SEMA5A: variants seen among roughly 807,000 people sequenced by gnomAD.
The protein encoded by SEMA5A is semaphorin-5A.
In SEMA5A, 55 loss-of-function variants were observed where a neutral mutation model predicts 135.5. That is an observed-to-expected ratio of 0.41 (90% CI 0.33 to 0.51). The LOEUF (loss-of-function observed/expected upper bound fraction) is 0.51. SEMA5A is among the 20% of genes least tolerant of loss of function. The pLI is 0.37. For missense variants in SEMA5A, 1,290 were observed against 1,419.9 expected, an observed-to-expected ratio of 0.91 and a Z score of 1.47; for synonymous variants, 580 against 546.5, an observed-to-expected ratio of 1.06 and a Z score of -0.85.
intron 16 of SEMA5A, among the ~76,000 whole-genome samples, chr5:9,073,143 T>A (rs1246121272): frequency 6.6e-6 from 1 of 152,098 alleles, no homozygotes; most frequent in Non-Finnish European, 1.5e-5. Context: ...GAAAGAAAAC[T>A]ACATGAATGT....
At chr5:9,119,256 C>T (rs1740685855) in intron 14 of SEMA5A, 115 bp from the exon 15 acceptor site, 10 of 1,300,482 alleles carry the variant, frequency 7.7e-6, no homozygotes, top group Non-Finnish European at 1.1e-5. Context: ...TGGGGCTGCT[C>T]AGGAGAGAAA....
chr5:9,057,429 CTGT>C (rs1377430560), intron 18 of SEMA5A, among the ~76,000 whole-genome samples: 2 of 152,188 alleles, frequency 1.3e-5, no homozygotes, highest in Non-Finnish European at 2.9e-5. Flanking sequence ...ATATTTATTC[CTGT>C]CCACATTTCT....
intron 5 of SEMA5A, among the ~76,000 whole-genome samples, chr5:9,282,878 T>C (rs950547737): frequency 6.6e-6 from 1 of 152,176 alleles, no homozygotes; most frequent in Non-Finnish European, 1.5e-5. Flanking sequence ...TTTAGATTGC[T>C]GGCAGAATGA....
chr5:9,473,378 A>C (rs1250449005), intron 1 of SEMA5A, among the ~76,000 whole-genome samples: 1 of 101,158 alleles, frequency 9.9e-6, no homozygotes. Context: ...TATGGCAATC[A>C]GTGGTAAAAA....
chr5:9,468,497 TAAAG>T (rs1759347565), intron 1 of SEMA5A, among the ~76,000 whole-genome samples: 1 of 152,168 alleles, frequency 6.6e-6, no homozygotes, highest in Admixed American at 6.5e-5. Flanking sequence ...TGTTTCTAAA[TAAAG>T]AAATTTTAGA....
At chr5:9,272,562 A>G (rs552777629) in intron 5 of SEMA5A, among the ~76,000 whole-genome samples, 11 of 152,240 alleles carry the variant, frequency 7.2e-5, no homozygotes, top group Middle Eastern at 3.4e-3. Flanking sequence ...GTGTATCGTG[A>G]ATGTGAGACA....
intron 2 of SEMA5A, among the ~76,000 whole-genome samples, chr5:9,386,426 A>G (rs746570328): frequency 5.9e-5 from 9 of 152,128 alleles, no homozygotes; most frequent in Admixed American, 2.0e-4. Flanking sequence ...CTCCTTCTTA[A>G]TCTGTCTCCA....
chr5:9,441,580 A>G (rs1033445972), intron 1 of SEMA5A, among the ~76,000 whole-genome samples: 8 of 152,254 alleles, frequency 5.3e-5, no homozygotes, highest in African/African-American at 1.9e-4. Flanking sequence ...CAATTCCACA[A>G]AGGTAAAAAT....
intron 2 of SEMA5A, among the ~76,000 whole-genome samples, chr5:9,400,496 T>G (rs1756606155): frequency 8.0e-6 from 1 of 124,376 alleles, no homozygotes; most frequent in Admixed American, 9.1e-5. Context: ...TTGAACACAA[T>G]GTACATTTTT....
At chr5:9,250,759 T>TA (rs1216944327) in intron 5 of SEMA5A, among the ~76,000 whole-genome samples, 2 of 152,102 alleles carry the variant, frequency 1.3e-5, no homozygotes, top group Non-Finnish European at 2.9e-5. Context: ...AAATAAGATA[T>TA]AAAAAATTAC....
chr5:9,084,123 G>A (rs773191131), intron 16 of SEMA5A, among the ~76,000 whole-genome samples: 2 of 152,164 alleles, frequency 1.3e-5, no homozygotes, highest in Non-Finnish European at 2.9e-5. Flanking sequence ...GTCAAAAATA[G>A]TAAGTTATCA....
chr5:9,386,708 G>A (rs1360041324), intron 2 of SEMA5A, among the ~76,000 whole-genome samples: 1 of 152,216 alleles, frequency 6.6e-6, no homozygotes. Context: ...GGTTGCCTTG[G>A]AGAGACCCAG....
intron 3 of SEMA5A, among the ~76,000 whole-genome samples, chr5:9,371,882 A>G (rs771571116): frequency 2.0e-5 from 3 of 152,222 alleles, no homozygotes; most frequent in Non-Finnish European, 4.4e-5. Context: ...GTTGAGTTCA[A>G]GACAGTTTTC....
intron 13 of SEMA5A, among the ~76,000 whole-genome samples, chr5:9,135,306 A>G (rs1052695935): frequency 1.7e-4 from 25 of 149,632 alleles, no homozygotes; most frequent in African/African-American, 5.9e-4. Context: ...TCAGCCTCCC[A>G]AGTAGCTGGG....
At chr5:9,186,400 A>T (rs1250841531) in intron 11 of SEMA5A, among the ~76,000 whole-genome samples, 1 of 152,220 alleles carries the variant, frequency 6.6e-6, no homozygotes, top group Non-Finnish European at 1.5e-5. Context: ...CTTTTCAAAC[A>T]GCCATTGGCT....
intron 15 of SEMA5A, among the ~76,000 whole-genome samples, chr5:9,115,192 T>C (rs1740448373): frequency 6.6e-6 from 1 of 152,048 alleles, no homozygotes; most frequent in South Asian, 2.1e-4. Flanking sequence ...ACAGAGAAAA[T>C]ACACATGAAA....
At chr5:9,335,684 C>T (rs368015722) in intron 4 of SEMA5A, among the ~76,000 whole-genome samples, 2 of 152,174 alleles carry the variant, frequency 1.3e-5, no homozygotes, top group East Asian at 1.9e-4. Context: ...TCAGGGTGAG[C>T]TTTGGTGTAT....
intron 5 of SEMA5A, among the ~76,000 whole-genome samples, chr5:9,251,957 GC>G (rs1040063290): frequency 6.6e-5 from 10 of 152,166 alleles, no homozygotes; most frequent in African/African-American, 1.9e-4. Context: ...AGATTACTGA[GC>G]TTTTAAATGG....
chr5:9,446,829 TTAAC>T (rs1459500235), intron 1 of SEMA5A, among the ~76,000 whole-genome samples: 1 of 152,202 alleles, frequency 6.6e-6, no homozygotes, highest in Non-Finnish European at 1.5e-5. Context: ...CTCTTGTTAC[TTAAC>T]TATCTCTGTT....
Sources: allele counts gnomAD v4.1 joint callset (sites outside exome capture counted in the v4.1 genomes callset), GRCh38; gene constraint gnomAD v4.1.1; transcripts MANE v1.5; gene names NCBI Gene and HGNC (gene_info 2026-07-23, HGNC 2026-07-21).